BPIFA2: variants seen among roughly 807,000 people sequenced by gnomAD.
The protein encoded by BPIFA2 is BPI fold containing family A member 2.
In BPIFA2, 20 loss-of-function variants were observed where a neutral mutation model predicts 25.7. That is an observed-to-expected ratio of 0.78 (90% CI 0.55 to 1.13). The LOEUF (loss-of-function observed/expected upper bound fraction) is 1.13, where lower values mean the gene tolerates loss of function less well. BPIFA2 is among the 50% of genes most tolerant of loss of function. The pLI is 0.00. For missense variants in BPIFA2, 300 were observed against 298.1 expected, an observed-to-expected ratio of 1.01 and a Z score of -0.05; for synonymous variants, 126 against 124.3, an observed-to-expected ratio of 1.01 and a Z score of -0.09.
chr20:33,171,109 A>G (rs1983883081), intron 2 of BPIFA2, among the ~76,000 whole-genome samples: 1 of 152,210 alleles, frequency 6.6e-6, no homozygotes, highest in Non-Finnish European at 1.5e-5. Context: ...TTTTGGTACC[A>G]GTACCATGCT....
chr20:33,178,596 T>A (rs1434545571), intron 6 of BPIFA2, among the ~76,000 whole-genome samples: 1 of 152,222 alleles, frequency 6.6e-6, no homozygotes, highest in Non-Finnish European at 1.5e-5. Context: ...TCACATATCA[T>A]ACAATCAATG....
intron 1 of BPIFA2, among the ~76,000 whole-genome samples, chr20:33,162,819 C>T (rs1374074306): frequency 1.3e-5 from 2 of 152,224 alleles, no homozygotes; most frequent in Non-Finnish European, 2.9e-5. Context: ...TTGTCTTCTA[C>T]ATGATCTGTC....
intron 5 of BPIFA2, among the ~76,000 whole-genome samples, chr20:33,177,313 C>A (rs1345694767): frequency 6.6e-6 from 1 of 151,722 alleles, no homozygotes; most frequent in East Asian, 1.9e-4. Context: ...CGAGATCGTG[C>A]CACTGCACTC....
Position 33,169,155 on chromosome 20 carries a change from C to G in BPIFA2, c.10C>G (p.Leu4Val). The G allele has an allele frequency of 6.2e-7, 1 of 1,614,090 alleles. No homozygotes were observed. The highest frequency in any genetic ancestry group is 8.5e-7 in the Non-Finnish European group (1 of 1,179,936). Residue 4 changes from leucine (L) to valine (V), a missense_variant, in exon 2 of 9, where the codon CTT becomes GTT. Transcript: ENST00000354932. MLQ[L>V]WKLVLLCGVL... ...GGTGTCAAGACAAAAGATGCTTCAG[C>G]TTTGGAAACTTGTTCTCCTGTGCGG... is the stretch of plus-strand genomic sequence containing the variant.
At chr20:33,171,103 G>A (rs539618237) in intron 2 of BPIFA2, among the ~76,000 whole-genome samples, 1 of 152,190 alleles carries the variant, frequency 6.6e-6, no homozygotes, top group South Asian at 2.1e-4. Context: ...TGTCTGTTTT[G>A]GTACCAGTAC....
intron 5 of BPIFA2, 53 bp downstream of exon 5, chr20:33,175,612 C>G: frequency 6.4e-7 from 1 of 1,572,752 alleles, no homozygotes; most frequent in Middle Eastern, 1.7e-4. Flanking sequence ...TTGAGGACCC[C>G]TAATTTCAGC....
chr20:33,176,055 C>CAATAAT (rs151095525), intron 5 of BPIFA2, among the ~76,000 whole-genome samples: 2 of 151,720 alleles, frequency 1.3e-5, no homozygotes, highest in Non-Finnish European at 1.5e-5. Flanking sequence ...TAATGTCCCT[C>CAATAAT]AATAATAATA....
At chr20:33,174,028 G>A (rs747342317) in intron 3 of BPIFA2, 51 bp from the exon 4 acceptor site, 2 of 1,501,480 alleles carry the variant, frequency 1.3e-6, no homozygotes, top group Non-Finnish European at 1.9e-6. Flanking sequence ...GAAGTGGTTG[G>A]CAAGTGGCTG....
At chr20:33,175,378 T>G in intron 4 of BPIFA2, 29 bp from the exon 5 acceptor site, 1 of 1,606,290 alleles carries the variant, frequency 6.2e-7, no homozygotes, top group Non-Finnish European at 8.5e-7. Context: ...CTTCTAGACT[T>G]TGTTCACTGT....
intron 2 of BPIFA2, 91 bp downstream of exon 2, chr20:33,169,393 CTT>C: frequency 7.5e-7 from 1 of 1,332,024 alleles, no homozygotes; most frequent in East Asian, 2.3e-5. Context: ...AGGGGCTACT[CTT>C]TATGGGCGGT....
At chr20:33,162,698 C>T (rs1203500993) in intron 1 of BPIFA2, among the ~76,000 whole-genome samples, 6 of 152,206 alleles carry the variant, frequency 3.9e-5, no homozygotes, top group Non-Finnish European at 7.3e-5. Context: ...CAGAGTCACA[C>T]AGCTAGAAAG....
At chr20:33,173,562 A>G (rs1465003938) in intron 3 of BPIFA2, among the ~76,000 whole-genome samples, 3 of 152,040 alleles carry the variant, frequency 2.0e-5, no homozygotes, top group African/African-American at 4.8e-5. Context: ...CTGGAGTGCA[A>G]TGGCACAATC....
chr20:33,173,108 C>T (rs1197112953), intron 3 of BPIFA2, 32 bp downstream of exon 3: 1 of 1,603,486 alleles, frequency 6.2e-7, no homozygotes, highest in Non-Finnish European at 8.5e-7. Flanking sequence ...GAGATCTTTG[C>T]TCTAAGGAAA....
rs143248492 is a variant in BPIFA2 at position 33,173,065 on chromosome 20, G to T, written c.291G>T (p.Thr97=). 6.2e-7 allele frequency: 1 copy of T among 1,613,666 alleles called. No individual in the cohort carries two copies. The highest frequency in any genetic ancestry group is 8.5e-7 in the Non-Finnish European group (1 of 1,179,834). The part of the protein sequence containing the change: ...NVISKLLPTN[T]DIFGLKISNS... The stretch of plus-strand genomic sequence containing the variant: ...TTTCTAAGCTGCTTCCAACTAACAC[G>T]GACATTTTTGGGTGAGTTGGTCCTT... The change falls in exon 3 of 9, where the codon ACG becomes ACT. Residue 97 remains threonine, a synonymous_variant. Transcript: ENST00000354932.
intron 2 of BPIFA2, 53 bp from the exon 3 acceptor site, chr20:33,172,879 C>T (rs578221463): frequency 3.2e-6 from 5 of 1,585,352 alleles, no homozygotes; most frequent in South Asian, 2.3e-5. Flanking sequence ...CCTGGAGCAT[C>T]GTAGCTACTT....
intron 1 of BPIFA2, among the ~76,000 whole-genome samples, chr20:33,162,354 T>C (rs1285832196): frequency 6.6e-6 from 1 of 152,160 alleles, no homozygotes; most frequent in Non-Finnish European, 1.5e-5. Context: ...CATTCCCCCT[T>C]TAATTTAATG....
At chr20:33,174,984 T>C (rs1027713686) in intron 4 of BPIFA2, among the ~76,000 whole-genome samples, 1 of 152,212 alleles carries the variant, frequency 6.6e-6, no homozygotes, top group Admixed American at 6.5e-5. Context: ...TTCTGTAAAC[T>C]ACATGCACTA....
chr20:33,173,983 C>T (rs1012240847), intron 3 of BPIFA2, 96 bp from the exon 4 acceptor site: 15 of 958,934 alleles, frequency 1.6e-5, no homozygotes, highest in Admixed American at 1.2e-4. Flanking sequence ...GCAAGGCTGA[C>T]GAGACCCAAA....
chr20:33,173,354 T>C (rs1158549831), intron 3 of BPIFA2, among the ~76,000 whole-genome samples: 1 of 152,184 alleles, frequency 6.6e-6, no homozygotes, highest in Non-Finnish European at 1.5e-5. Context: ...CATTTGCTGG[T>C]ACACAAAGTC....
Sources: gnomAD v4.1 joint callset for allele counts (sites outside exome capture counted in the v4.1 genomes callset) on GRCh38, gnomAD v4.1.1 for gene constraint, MANE v1.5 for transcripts, NCBI Gene and HGNC (gene_info 2026-07-23, HGNC 2026-07-21) for gene names.